The following TMBIM1 variants were observed in gnomAD, a reference collection of about 807,000 sequenced individuals.
TMBIM1 encodes the protein protein lifeguard 3.
In TMBIM1, 34 loss-of-function variants were observed where a neutral mutation model predicts 45.1. That is an observed-to-expected ratio of 0.75 (90% CI 0.57 to 1.00). The LOEUF is 1.00. Among genes scored for constraint, TMBIM1 ranks in the 50% least tolerant of loss-of-function variants. The pLI, the probability that TMBIM1 is intolerant of heterozygous loss-of-function variation, is 0.00. For missense variants in TMBIM1, 374 were observed against 402.4 expected (o/e 0.93, Z 0.60); for synonymous variants, 157 against 153.5 (o/e 1.02, Z -0.17).
At position 218,277,046 on chromosome 2, in the gene TMBIM1, C is replaced by A. The variant is rs762023612; in HGVS notation, c.693G>T (p.Leu231=). ...CAATGCTAGTGACAATCCCAGTCAC[C>A]AGGAGCACAATTCCCAGGACACAGA... ...GLFCVLGIVL[L]VTGIVTSIVL... is the part of the protein sequence containing the mutation. The change falls in exon 10 of 12, where the codon CTG becomes CTT. Residue 231 remains leucine, a synonymous_variant. Coordinates refer to ENST00000258412, the MANE Select transcript of TMBIM1 (RefSeq NM_022152.6). 1.2e-6 allele frequency: 2 copies of A among 1,614,178 alleles called. No homozygotes were observed. The highest frequency in any genetic ancestry group is 2.2e-5 in the South Asian group (2 of 91,090).
chr2:218,288,585 A>T (rs1692710588), intron 1 of TMBIM1, among the ~76,000 whole-genome samples: 1 of 152,212 alleles, frequency 6.6e-6, no homozygotes, highest in South Asian at 2.1e-4. Context: ...TTTGAGCACC[A>T]AGATGACACT....
chr2:218,291,934 C>T (rs1559512430), intron 1 of TMBIM1, among the ~76,000 whole-genome samples: 1 of 152,066 alleles, frequency 6.6e-6, no homozygotes, highest in Non-Finnish European at 1.5e-5. Flanking sequence ...CAGCTGCAAG[C>T]TAGGACCCCC....
At chr2:218,275,992 C>G (rs545805557) in intron 11 of TMBIM1, 34 bp downstream of exon 11, 2 of 1,600,150 alleles carry the variant, frequency 1.2e-6, no homozygotes, top group South Asian at 2.3e-5. Context: ...CTCATCCCCT[C>G]AGCTCCCCTT....
In TMBIM1 at chr2:218,275,566, G is replaced by A. The variant is rs1419051226; in HGVS notation, c.845C>T (p.Pro282Leu). The A allele has an allele frequency of 6.8e-6, 11 of 1,613,920 alleles. No individual in the cohort carries two copies. The highest frequency in any genetic ancestry group is 1.3e-5 in the African/African-American group (1 of 74,908). The change falls in exon 12 of 12, where the codon CCC becomes CTC. Residue 282 changes from proline to leucine, a missense_variant. By Grantham distance (98) the Pro-to-Leu change is moderately conservative. Coordinates refer to ENST00000258412, the MANE Select transcript of TMBIM1 (RefSeq NM_022152.6). ...CAGGGCGCCAGTGATGTAGTCCTCGGGGCTGATGGTGTGCTTCCGGTTCCC... is the reference window on the plus strand; with the variant it reads ...CAGGGCGCCAGTGATGTAGTCCTCGAGGCTGATGGTGTGCTTCCGGTTCCC... ...VLGNRKHTIS[P>L]EDYITGALQI...
intron 1 of TMBIM1, among the ~76,000 whole-genome samples, chr2:218,291,887 C>T (rs1284772577): frequency 6.6e-6 from 1 of 152,198 alleles, no homozygotes; most frequent in East Asian, 1.9e-4. Flanking sequence ...GCCACTTCCC[C>T]ATGCCAAACA....
At position 218,275,621 on chromosome 2, in the gene TMBIM1, A is replaced by T; in HGVS notation, c.790T>A (p.Phe264Ile). ...AALGAICFTL[F>I]LAYDTQLVLG... is the part of the protein sequence containing the mutation. ...ACCAGCTGTGTGTCGTAAGCCAGGAACTGCAAGGATAGGGAAGCCAGAAGT... is the reference window on the plus strand; with the variant it reads ...ACCAGCTGTGTGTCGTAAGCCAGGATCTGCAAGGATAGGGAAGCCAGAAGT... The change falls in exon 12 of 12, where the codon TTC (phenylalanine) becomes ATC (isoleucine). Residue 264 changes from phenylalanine to isoleucine, a missense_variant and splice_region_variant. Transcript: ENST00000258412. 1.2e-6 allele frequency: 2 copies of T among 1,609,624 alleles called. No individual in the cohort carries two copies. Among genetic ancestry groups the T allele is most frequent in the Non-Finnish European group, 1.7e-6 (2 of 1,178,548 alleles).
chr2:218,283,475 C>T (rs1692230495), intron 1 of TMBIM1, among the ~76,000 whole-genome samples: 1 of 152,134 alleles, frequency 6.6e-6, no homozygotes, highest in East Asian at 1.9e-4. Context: ...CCCTAGAGGG[C>T]CCCTGCATCC....
chr2:218,279,660 A>T (rs917699153), intron 3 of TMBIM1: 4 of 488,638 alleles, frequency 8.2e-6, no homozygotes, highest in African/African-American at 1.9e-5. Flanking sequence ...TGCACGCTCT[A>T]TGCAGCTGTG....
chr2:218,284,532 G>A (rs997237164), intron 1 of TMBIM1, among the ~76,000 whole-genome samples: 3 of 152,336 alleles, frequency 2.0e-5, no homozygotes, highest in Admixed American at 2.0e-4. Flanking sequence ...CAGCTCAGCG[G>A]GTGCTGACTC....
Position 218,282,027 on chromosome 2 carries a change from A to AGGCAGGATACCCTCCT in TMBIM1, c.99_114dup (p.Tyr39ArgfsTer41). ...TAGCCAGGCTGCGGGTAGCCAGGGT[A>AGGCAGGATACCCTCCT]GGCAGGATACCCTCCTGGCAGGACA... On this transcript the variant is annotated frameshift_variant, in exon 2 of 12. Coordinates refer to ENST00000258412, the MANE Select transcript of TMBIM1 (RefSeq NM_022152.6). LOFTEE classifies it high-confidence loss of function. The AGGCAGGATACCCTCCT allele has an allele frequency of 4.4e-6, 7 of 1,608,046 alleles. No homozygotes were observed. The highest frequency in any genetic ancestry group is 5.9e-6 in the Non-Finnish European group (7 of 1,178,248).
In TMBIM1 at chr2:218,280,040, T is replaced by C. The variant is rs763772723; in HGVS notation, c.289A>G (p.Thr97Ala). The change falls in exon 3 of 12, where the codon ACT becomes GCT. Residue 97 changes from threonine to alanine, a missense_variant. By Grantham distance (58) the Thr-to-Ala change is moderately conservative. Transcript: ENST00000258412. Reference sequence around the variant, plus strand: ...GCGTATCTTACCTTTCGGATAAAAGTGTGTCGCACTTTCCGGTCATCCCAC... The same window carrying C: ...GCGTATCTTACCTTTCGGATAAAAGCGTGTCGCACTTTCCGGTCATCCCAC... Reference protein sequence around the residue: ...GEWDDRKVRHTFIRKVYSIIS... With the variant: ...GEWDDRKVRHAFIRKVYSIIS... The C allele has an allele frequency of 3.7e-6, 6 of 1,613,902 alleles. No individual in the cohort carries two copies. The African/African-American group carries it at 4.0e-5, about 11-fold the overall frequency.
rs1164979160 is a variant in TMBIM1, at chr2:218,278,532, G to C, written c.456C>G (p.Ala152=). 1 of 1,614,190 alleles carries C rather than the reference G, an allele frequency of 6.2e-7. No individual in the cohort carries two copies. The highest frequency in any genetic ancestry group is 1.3e-5 in the African/African-American group (1 of 75,050). Residue 152 remains alanine, a synonymous_variant, in exon 6 of 12, where the codon GCC becomes GCG. Coordinates refer to ENST00000258412, the MANE Select transcript of TMBIM1 (RefSeq NM_022152.6). ...GGACTCACCTGGGTCCCTGGCAGCA[G>C]GCAAGGATCAGGTAGGTGACAACGA... ...AVFVVTYLIL[A]CCQGPRRRFP...
chr2:218,286,516 G>C (rs188173274), intron 1 of TMBIM1: 2 of 152,390 alleles, frequency 1.3e-5, no homozygotes, highest in African/African-American at 4.8e-5. Context: ...CCCCCATTAG[G>C]AAGGAACCAG....
intron 1 of TMBIM1, among the ~76,000 whole-genome samples, chr2:218,283,302 C>T (rs1296853888): frequency 6.6e-6 from 1 of 152,220 alleles, no homozygotes; most frequent in African/African-American, 2.4e-5. Flanking sequence ...CCCCAGAACT[C>T]GCAGGTCAGT....
At chr2:218,291,191 A>G (rs1692905318) in intron 1 of TMBIM1, among the ~76,000 whole-genome samples, 1 of 152,116 alleles carries the variant, frequency 6.6e-6, no homozygotes, top group South Asian at 2.1e-4. Flanking sequence ...TGAAGGGCTC[A>G]TTTTTACAAG....
chr2:218,280,020 T>C lies in TMBIM1; in HGVS notation c.303+6A>G. On this transcript the variant is annotated splice_donor_region_variant and intron_variant, in intron 3 of 11. Transcript: ENST00000258412. Reference sequence around the variant, plus strand: ...AGGTACACCCACCTCCCAGCGCGTATCTTACCTTTCGGATAAAAGTGTGTC... The same window carrying C: ...AGGTACACCCACCTCCCAGCGCGTACCTTACCTTTCGGATAAAAGTGTGTC... The C allele has an allele frequency of 6.2e-7, 1 of 1,613,652 alleles. No homozygotes were observed. Among genetic ancestry groups the C allele is most frequent in the Non-Finnish European group, 8.5e-7 (1 of 1,179,568 alleles).
chr2:218,280,008 T>A lies in TMBIM1; in HGVS notation c.303+18A>T. ...CTGAGGGGCCCCAGGTACACCCACC[T>A]CCCAGCGCGTATCTTACCTTTCGGA... On this transcript the variant is annotated intron_variant, in intron 3 of 11. Coordinates refer to ENST00000258412, the MANE Select transcript of TMBIM1 (RefSeq NM_022152.6). 1 of 1,609,574 alleles carries A rather than the reference T, an allele frequency of 6.2e-7. No individual in the cohort carries two copies. Among genetic ancestry groups the A allele is most frequent in the South Asian group, 1.1e-5 (1 of 91,000 alleles).
chr2:218,275,682 G>A, intron 11 of TMBIM1, 61 bp from the exon 12 acceptor site: 1 of 1,567,486 alleles, frequency 6.4e-7, no homozygotes, highest in East Asian at 2.2e-5. Flanking sequence ...GCTCATTTTT[G>A]GTCAGCAGAT....
Position 218,280,571 on chromosome 2 carries a change from A to G in TMBIM1, c.203-445T>C, listed in dbSNP as rs532088246. ...AGACAGGGATCTGCATCAGCCTCACAGAGGCAGGTGTGCAAAGGGTGTGCG... is the reference window on the plus strand; with the variant it reads ...AGACAGGGATCTGCATCAGCCTCACGGAGGCAGGTGTGCAAAGGGTGTGCG... On this transcript the variant is annotated intron_variant, in intron 2 of 11. Coordinates refer to ENST00000258412, the MANE Select transcript of TMBIM1 (RefSeq NM_022152.6). 63 of 227,828 alleles carry G rather than the reference A, an allele frequency of 2.8e-4. 2 individuals are homozygous for G. In the South Asian group the frequency reaches 3.5e-3, roughly 13 times the overall value. 14.1% of individuals were successfully genotyped at this position (227,828 alleles called of 1,614,324 possible). A position where few individuals can be genotyped will look rare whatever the true frequency, so the allele number is the denominator to read the frequency against.
Sources: gnomAD v4.1 joint callset for allele counts (sites outside exome capture counted in the v4.1 genomes callset) on GRCh38, gnomAD v4.1.1 for gene constraint, MANE v1.5 for transcripts, NCBI Gene and HGNC (gene_info 2026-07-23, HGNC 2026-07-21) for gene names.